Variants in CDKL5 observed in about 807,000 individuals in gnomAD.
CDKL5 encodes cyclin dependent kinase like 5.
A neutral mutation model predicts 61.7 loss-of-function variants in CDKL5; 8 were observed. The ratio of observed to expected loss-of-function variants is 0.13; its 90% CI spans 0.08 to 0.23. The LOEUF (loss-of-function observed/expected upper bound fraction) is 0.23, where lower values mean the gene tolerates loss of function less well. CDKL5 is among the 10% of genes least tolerant of loss of function. The pLI is 1.00. For synonymous variants in CDKL5, 275 were observed against 272.3 expected, an observed-to-expected ratio of 1.01 and a Z score of -0.10; for missense variants, 440 against 734.5, an observed-to-expected ratio of 0.60 and a Z score of 4.63.
chrX:18,459,303 C>T (rs1336407713), intron 1 of CDKL5, among the ~76,000 whole-genome samples: 3 of 111,579 alleles, frequency 2.7e-5, no homozygotes, highest in Non-Finnish European at 5.6e-5. Context: ...TGCCTATAAT[C>T]CCAGCACTTT....
intron 10 of CDKL5, among the ~76,000 whole-genome samples, chrX:18,597,170 G>A (rs1302538653): frequency 9.1e-6 from 1 of 110,004 alleles, no homozygotes; most frequent in Non-Finnish European, 1.9e-5. Flanking sequence ...CCAAAGATTA[G>A]TATTGCCTTA....
At chrX:18,438,777 G>A (rs1931666177) in intron 1 of CDKL5, among the ~76,000 whole-genome samples, 2 of 85,642 alleles carry the variant, frequency 2.3e-5, no homozygotes, top group Admixed American at 3.0e-4. Context: ...GCGACAGAGC[G>A]AACCTCCGTC....
At chrX:18,564,577 A>G in intron 4 of CDKL5, 55 bp downstream of exon 4, 1 of 472,174 alleles carries the variant, frequency 2.1e-6, no homozygotes, top group Non-Finnish European at 3.1e-6. Context: ...TTCCTTCTGT[A>G]TAAAGTTTTT....
Position 18,632,465 on chromosome X carries a change from C to T in CDKL5, c.*3708C>T. On this transcript the variant is annotated 3_prime_UTR_variant, in exon 18 of 18. Coordinates refer to ENST00000623535, the MANE Select transcript of CDKL5 (RefSeq NM_001323289.2). ...AGGCATCCGTGGCTTTCAGCTGTGT[C>T]TCCCGAAAGAAAATGTCTTTGTTTT... 1 of 754,192 alleles carries T rather than the reference C, an allele frequency of 1.3e-6. No homozygotes were observed. The highest frequency in any genetic ancestry group is 1.6e-6 in the Non-Finnish European group (1 of 639,254). 62.2% of individuals were successfully genotyped at this position (754,192 alleles called of 1,213,427 possible).
At chrX:18,552,186 C>T (rs1384998094) in intron 3 of CDKL5, among the ~76,000 whole-genome samples, 4 of 102,414 alleles carry the variant, frequency 3.9e-5, no homozygotes, top group Non-Finnish European at 7.9e-5. Context: ...TGCAGTGAGC[C>T]GAGATTGTGC....
intron 3 of CDKL5, among the ~76,000 whole-genome samples, chrX:18,527,296 G>A (rs1289174607): frequency 8.9e-6 from 1 of 111,849 alleles, no homozygotes; most frequent in African/African-American, 3.2e-5. Flanking sequence ...CCTGTTGTCT[G>A]GAAGAGATTG....
intron 9 of CDKL5, among the ~76,000 whole-genome samples, chrX:18,594,954 G>A (rs1925942831): frequency 9.0e-6 from 1 of 111,592 alleles, no homozygotes; most frequent in Admixed American, 9.5e-5. Flanking sequence ...AGGCTGAGGC[G>A]GGCAGATCAC....
At chrX:18,524,641 G>T (rs1476323693) in intron 3 of CDKL5, among the ~76,000 whole-genome samples, 1 of 111,876 alleles carries the variant, frequency 8.9e-6, no homozygotes, top group Non-Finnish European at 1.9e-5. Flanking sequence ...GTCTTTCATG[G>T]ACAGTCCTTT....
intron 3 of CDKL5, among the ~76,000 whole-genome samples, chrX:18,512,579 A>G (rs1220835776): frequency 5.4e-5 from 6 of 111,229 alleles, no homozygotes; most frequent in Non-Finnish European, 1.1e-4. Flanking sequence ...TTATGTTAAT[A>G]ATAGTTATCT....
At chrX:18,563,066 T>C (rs1881030032) in intron 3 of CDKL5, among the ~76,000 whole-genome samples, 1 of 111,275 alleles carries the variant, frequency 9.0e-6, no homozygotes, top group Non-Finnish European at 1.9e-5. Flanking sequence ...TATGTGGGAG[T>C]CTTTCAGTTA....
At chrX:18,640,428 C>A (rs1157069003), downstream of CDKL5, 1 of 26,672 alleles carries the variant, frequency 3.7e-5, no homozygotes, top group African/African-American at 1.9e-4. Flanking sequence ...AGGGATAAGT[C>A]CCCCCACCCC....
chrX:18,584,876 T>A (rs1925593801), intron 8 of CDKL5, among the ~76,000 whole-genome samples: 1 of 111,992 alleles, frequency 8.9e-6, no homozygotes, highest in Admixed American at 9.5e-5. Flanking sequence ...AGAAATAAAT[T>A]CCATCTCTTG....
chrX:18,544,045 C>T (rs1258512201), intron 3 of CDKL5, among the ~76,000 whole-genome samples: 2 of 111,969 alleles, frequency 1.8e-5, no homozygotes, highest in Non-Finnish European at 3.8e-5. Flanking sequence ...CCCAACTCTC[C>T]AGGCTATGGT....
intron 6 of CDKL5, among the ~76,000 whole-genome samples, chrX:18,580,704 A>G (rs777788497): frequency 8.9e-6 from 1 of 111,788 alleles, no homozygotes; most frequent in East Asian, 2.8e-4. Context: ...TTGATACAAC[A>G]ATGACCCTAA....
At position 18,585,031 on chromosome X, in the gene CDKL5, A is replaced by G. The variant is rs137875045; in HGVS notation, c.554+678A>G. The stretch of plus-strand genomic sequence containing the variant: ...GACATTCTGGCTTATCTATTTGTTC[A>G]TTTATTAATTCTTCAAGTACTTATC... On this transcript the variant is annotated intron_variant, in intron 8 of 17. Transcript: ENST00000623535. Among the ~76,000 whole-genome samples, 674 of 112,218 alleles carry G rather than the reference A, an allele frequency of 6.0e-3. 4 individuals carry two copies. The highest frequency in any genetic ancestry group is 0.02 in the African/African-American group (630 of 30,887).
rs186353012 is a variant in CDKL5 at position 18,492,367 on chromosome X, T to A, written c.-162-14568T>A. ...CAGGAGTAGCCTTCTGTGTATTGAG[T>A]TTAACTTTGTGATATAAGTTGCAGA... On this transcript the variant is annotated intron_variant, in intron 1 of 17. Transcript: ENST00000623535. Among the ~76,000 whole-genome samples, 489 of 111,909 alleles carry A rather than the reference T, an allele frequency of 4.4e-3. 2 individuals carry two copies. The Middle Eastern group carries it at 0.046, about 11-fold the overall frequency.
chrX:18,603,957 G>T lies in CDKL5; in HGVS notation c.1033G>T (p.Asp345Tyr). Reference sequence around the variant, plus strand: ...GTCTCACCACAGATCTAACAGCAAGGACATCCAGAACCTGAGTGTAGGCCT... The same window carrying T: ...GTCTCACCACAGATCTAACAGCAAGTACATCCAGAACCTGAGTGTAGGCCT... ...LQSHHRSNSK[D>Y]IQNLSVGLPR... Residue 345 changes from aspartate (D) to tyrosine (Y), a missense_variant, in exon 12 of 18, where the codon GAC becomes TAC. Coordinates refer to ENST00000623535, the MANE Select transcript of CDKL5 (RefSeq NM_001323289.2). 1 of 1,210,077 alleles carries T rather than the reference G, an allele frequency of 8.3e-7. No homozygotes were observed. Among genetic ancestry groups the T allele is most frequent in the Non-Finnish European group, 1.1e-6 (1 of 894,156 alleles).
chrX:18,633,327 T>C lies in CDKL5; in HGVS notation c.*4570T>C, dbSNP rs182210680. On this transcript the variant is annotated 3_prime_UTR_variant, in exon 18 of 18. Transcript: ENST00000623535. ...AAGTGTGTAGGCAGAGAAAACTTAC[T>C]TATGGTTTGAAGAACCACAATTGTT... The C allele has an allele frequency of 1.3e-6, 1 of 754,304 alleles. No individual in the cohort carries two copies. The highest frequency in any genetic ancestry group is 2.3e-5 in the African/African-American group (1 of 43,823). 62.2% of individuals were successfully genotyped at this position (754,304 alleles called of 1,213,427 possible).
At chrX:18,575,141 T>G (rs1251149820) in intron 4 of CDKL5, among the ~76,000 whole-genome samples, 1 of 111,715 alleles carries the variant, frequency 9.0e-6, no homozygotes, top group East Asian at 2.8e-4. Context: ...GGAAGTCAAG[T>G]TTGTGCTGAT....
Sources: allele counts gnomAD v4.1 joint callset (sites outside exome capture counted in the v4.1 genomes callset), GRCh38; gene constraint gnomAD v4.1.1; transcripts MANE v1.5; gene names NCBI Gene and HGNC (gene_info 2026-07-23, HGNC 2026-07-21).